The following DCC variants were observed in gnomAD, a reference collection of about 807,000 sequenced individuals.
DCC encodes the protein DCC netrin 1 receptor.
Under a neutral mutation model 172.5 loss-of-function variants are expected in DCC, and 58 were observed. That is an observed-to-expected ratio of 0.34 (90% CI 0.27 to 0.42). The LOEUF (loss-of-function observed/expected upper bound fraction) is 0.42. Ranked by LOEUF, DCC falls within the 10% of genes least tolerant of loss-of-function variation. The pLI is 1.00. For missense variants in DCC, 1,740 were observed against 1,791.0 expected (o/e 0.97, Z 0.51); for synonymous variants, 709 against 644.5 (o/e 1.10, Z -1.52).
chr18:53,332,561 C>T (rs1177644283), intron 14 of DCC, among the ~76,000 whole-genome samples: 1 of 151,870 alleles, frequency 6.6e-6, no homozygotes, highest in African/African-American at 2.4e-5. Context: ...AGAATAAAAC[C>T]TATATGGTTT....
At chr18:53,001,933 G>T (rs768826475) in intron 5 of DCC, among the ~76,000 whole-genome samples, 1 of 152,040 alleles carries the variant, frequency 6.6e-6, no homozygotes. Context: ...AGTAGTAAAA[G>T]AAACATTGCT....
At chr18:52,775,754 C>T (rs940295574) in intron 2 of DCC, among the ~76,000 whole-genome samples, 1 of 152,218 alleles carries the variant, frequency 6.6e-6, no homozygotes, top group Non-Finnish European at 1.5e-5. Flanking sequence ...CGTCTGGCCG[C>T]CTGTGTGTCT....
At chr18:53,213,556 G>A (rs567919952) in intron 11 of DCC, among the ~76,000 whole-genome samples, 48 of 147,572 alleles carry the variant, frequency 3.3e-4, no homozygotes, top group African/African-American at 1.1e-3. Context: ...GCTGAGGCAG[G>A]AGAATGGTGT....
At chr18:53,008,020 T>A (rs1286934461) in intron 5 of DCC, among the ~76,000 whole-genome samples, 1 of 152,096 alleles carries the variant, frequency 6.6e-6, no homozygotes, top group Non-Finnish European at 1.5e-5. Flanking sequence ...ATGAGAGAGA[T>A]TTTACTATTC....
intron 1 of DCC, among the ~76,000 whole-genome samples, chr18:52,425,026 T>C (rs745979279): frequency 7.9e-5 from 12 of 152,120 alleles, no homozygotes; most frequent in Non-Finnish European, 1.3e-4. Flanking sequence ...AGGGTATACA[T>C]TGCCTGAATA....
intron 12 of DCC, among the ~76,000 whole-genome samples, chr18:53,264,747 A>T (rs1347249263): frequency 6.6e-6 from 1 of 152,078 alleles, no homozygotes; most frequent in Non-Finnish European, 1.5e-5. Context: ...TTAACTCAAT[A>T]ATTATCATCA....
intron 24 of DCC, 147 bp from the exon 25 acceptor site, chr18:53,467,747 A>G: frequency 4.1e-6 from 3 of 737,026 alleles, no homozygotes; most frequent in East Asian, 2.5e-5. Context: ...AGATTTGTAC[A>G]ATGAAATAGA....
chr18:53,075,920 C>T (rs1015692743), intron 7 of DCC, among the ~76,000 whole-genome samples: 2 of 152,146 alleles, frequency 1.3e-5, no homozygotes, highest in Non-Finnish European at 2.9e-5. Flanking sequence ...ATTCCTCTTA[C>T]TCTCAGCTAG....
chr18:53,308,596 G>A (rs1023417191), intron 13 of DCC, among the ~76,000 whole-genome samples: 1 of 152,152 alleles, frequency 6.6e-6, no homozygotes, highest in African/African-American at 2.4e-5. Context: ...GAATTTGCTA[G>A]CGTTAATTGC....
chr18:53,477,631 A>C (rs1408140075), intron 25 of DCC, among the ~76,000 whole-genome samples: 1 of 152,198 alleles, frequency 6.6e-6, no homozygotes, highest in Non-Finnish European at 1.5e-5. Flanking sequence ...TATGTGCTAT[A>C]AAATGTTAAC....
intron 1 of DCC, among the ~76,000 whole-genome samples, chr18:52,403,434 G>A (rs1313487478): frequency 6.6e-6 from 1 of 151,988 alleles, no homozygotes; most frequent in African/African-American, 2.4e-5. Context: ...TGAGGGTCCA[G>A]ACTCATACTT....
chr18:52,593,327 C>T (rs572250542), intron 1 of DCC, among the ~76,000 whole-genome samples: 1 of 152,124 alleles, frequency 6.6e-6, no homozygotes, highest in South Asian at 2.1e-4. Flanking sequence ...TGATCTGCAT[C>T]CTCCCACTAC....
intron 1 of DCC, among the ~76,000 whole-genome samples, chr18:52,529,155 C>T (rs771256226): frequency 1.3e-5 from 2 of 152,164 alleles, no homozygotes; most frequent in Non-Finnish European, 1.5e-5. Flanking sequence ...AATGTTATTG[C>T]TATGCAATAG....
At chr18:53,088,069 T>C (rs1189628631) in intron 7 of DCC, among the ~76,000 whole-genome samples, 1 of 152,208 alleles carries the variant, frequency 6.6e-6, no homozygotes, top group Non-Finnish European at 1.5e-5. Flanking sequence ...TGGCTTAGGA[T>C]TGACTTAGCG....
At chr18:52,952,658 TA>T (rs1381947874) in intron 5 of DCC, among the ~76,000 whole-genome samples, 7 of 152,216 alleles carry the variant, frequency 4.6e-5, no homozygotes, top group African/African-American at 1.7e-4. Context: ...AGAGCTAATT[TA>T]CTTCTTTATA....
At chr18:52,407,097 G>T (rs1470505448) in intron 1 of DCC, among the ~76,000 whole-genome samples, 2 of 151,840 alleles carry the variant, frequency 1.3e-5, no homozygotes, top group African/African-American at 4.8e-5. Context: ...GGAAACATTT[G>T]GTGGCACAAT....
intron 7 of DCC, among the ~76,000 whole-genome samples, chr18:53,114,968 G>A (rs1214716572): frequency 1.3e-5 from 2 of 151,640 alleles, no homozygotes; most frequent in African/African-American, 4.8e-5. Flanking sequence ...CACATGAACT[G>A]TTGCATTCTC....
chr18:52,523,045 T>C (rs2031868803), intron 1 of DCC, among the ~76,000 whole-genome samples: 1 of 152,204 alleles, frequency 6.6e-6, no homozygotes, highest in Non-Finnish European at 1.5e-5. Context: ...TTTATCTTTT[T>C]ATTTACTTAC....
At chr18:52,766,819 A>G (rs996578230) in intron 2 of DCC, among the ~76,000 whole-genome samples, 2 of 152,060 alleles carry the variant, frequency 1.3e-5, no homozygotes, top group Admixed American at 1.3e-4. Context: ...TGGTGATTTC[A>G]GGCTTTTTAG....
Sources: allele counts gnomAD v4.1 joint callset (sites outside exome capture counted in the v4.1 genomes callset), GRCh38; gene constraint gnomAD v4.1.1; transcripts MANE v1.5; gene names NCBI Gene and HGNC (gene_info 2026-07-23, HGNC 2026-07-21).